ANO7: variants seen among roughly 807,000 people sequenced by gnomAD.
ANO7 encodes anoctamin-7.
ANO7 carries 114 observed loss-of-function variants against 115.8 expected under a neutral mutation model. The ratio of observed to expected loss-of-function variants is 0.98; its 90% CI spans 0.85 to 1.15. The LOEUF is 1.15. Among genes scored for constraint, ANO7 ranks in the 50% most tolerant of loss-of-function variants. The pLI, the probability that ANO7 is intolerant of heterozygous loss-of-function variation, is 0.00. For missense variants in ANO7, 1,302 were observed against 1,201.2 expected (o/e 1.08, Z -1.24); for synonymous variants, 550 against 498.2 (o/e 1.10, Z -1.38).
chr2:241,236,529 G>A, the ANO7 span: 364 of 1,395,170 alleles, frequency 2.6e-4, 2 homozygotes, highest in East Asian at 6.9e-3. Flanking sequence ...TTGGGCAACC[G>A]TCCATCCCAT....
chr2:241,204,717 GT>G (rs2068549733), intron 9 of ANO7, 147 bp from the exon 10 acceptor site: 1 of 620,042 alleles, frequency 1.6e-6, no homozygotes, highest in African/African-American at 1.8e-5. Flanking sequence ...AGGGAGAGCT[GT>G]GTACCTCTTG....
intron 3 of ANO7, 83 bp downstream of exon 3, chr2:241,191,334 G>C: frequency 6.4e-7 from 1 of 1,552,272 alleles, no homozygotes; most frequent in East Asian, 2.3e-5. Context: ...GGGGCAGCAG[G>C]CTGGGGTAGC....
At chr2:241,217,056 C>A (rs1424541227) in intron 19 of ANO7, among the ~76,000 whole-genome samples, 1 of 152,230 alleles carries the variant, frequency 6.6e-6, no homozygotes, top group Non-Finnish European at 1.5e-5. Flanking sequence ...TGGTCTCGAA[C>A]TCCTGACCTC....
At position 241,223,955 on chromosome 2, in the gene ANO7, G is replaced by C. The variant is rs527799445; in HGVS notation, c.2583G>C (p.Glu861Asp). 2.0e-5 allele frequency: 32 copies of C among 1,613,922 alleles called. No individual in the cohort carries two copies. In the African/African-American group the frequency reaches 3.9e-4, roughly 20 times the overall value. ...AGGATGAGCAGCCCGAGGGCTCAGA[G>C]GCAAGTCTGGGAGCAGCCAGGCCCC... ...GTKDEQPEGS[E>D]LSSHWTPFTV... Residue 861 changes from glutamate to aspartate, a missense_variant and splice_region_variant, in exon 24 of 25, where the codon GAG becomes GAC. Physicochemically the swap from Glu to Asp is conservative, Grantham distance 45 (BLOSUM62 2). Transcript: ENST00000674324.
chr2:241,235,115 G>C, the ANO7 span: 3 of 1,611,802 alleles, frequency 1.9e-6, no homozygotes, highest in South Asian at 2.2e-5. Flanking sequence ...GCCACCTCCT[G>C]CTCACCCGGT....
At position 241,218,300 on chromosome 2, in the gene ANO7, C is replaced by T. The variant is rs764120273; in HGVS notation, c.2240C>T (p.Ala747Val). ...CGCGCCTACTACCGGTGGACCCGCG[C>T]CCACGACCTGCGCGGCTTCCTCAAC... ...LPRAYYRWTR[A>V]HDLRGFLNFT... Residue 747 changes from alanine to valine, a missense_variant, in exon 21 of 25, where the codon GCC (alanine) becomes GTC (valine). Physicochemically the swap from Ala to Val is moderately conservative, Grantham distance 64. Coordinates refer to ENST00000674324, the MANE Select transcript of ANO7 (RefSeq NM_001370694.2). 2 of 1,535,626 alleles carry T rather than the reference C, an allele frequency of 1.3e-6. No individual in the cohort carries two copies.
rs375882821 is a variant in ANO7, at chr2:241,203,430, A to G, written c.821A>G (p.Lys274Arg). Reference sequence around the variant, plus strand: ...TGGGCGCGCTGGGGCAAGTGGAACAAGTACCAGCCCCTGGACCACGTGCGC... The same window carrying G: ...TGGGCGCGCTGGGGCAAGTGGAACAGGTACCAGCCCCTGGACCACGTGCGC... Reference protein sequence around the residue: ...QHWARWGKWNKYQPLDHVRRY... With the variant: ...QHWARWGKWNRYQPLDHVRRY... The change falls in exon 9 of 25, where the codon AAG becomes AGG. Residue 274 changes from lysine to arginine, a missense_variant. Lys to Arg is a conservative substitution (Grantham distance 26). Coordinates refer to ENST00000674324, the MANE Select transcript of ANO7 (RefSeq NM_001370694.2). This position sits in a 1 kb window ranked among gnomAD's most constrained non-coding sequence, Gnocchi z 4.8. 1.3e-6 allele frequency: 2 copies of G among 1,594,818 alleles called. No homozygotes were observed. Among genetic ancestry groups the G allele is most frequent in the African/African-American group, 2.7e-5 (2 of 73,810 alleles).
the ANO7 span, among the ~76,000 whole-genome samples, chr2:241,237,566 T>C: frequency 6.6e-6 from 1 of 152,176 alleles, no homozygotes; most frequent in Non-Finnish European, 1.5e-5. Flanking sequence ...GGAGAAAAAC[T>C]GGCAAATTTG....
At position 241,212,103 on chromosome 2, in the gene ANO7, G is replaced by C; in HGVS notation, c.1571G>C (p.Arg524Pro). ...AHVLTRWEMH[R>P]TQTKFEDAFT... ...GCTCTCCATGCCACAGAAATGCACC[G>C]CACCCAGACCAAGTTCGAGGACGCC... Residue 524 changes from arginine to proline, a missense_variant, in exon 16 of 25, where the codon CGC (arginine) becomes CCC (proline). Transcript: ENST00000674324. 6.2e-7 allele frequency: 1 copy of C among 1,613,864 alleles called. No individual in the cohort carries two copies. The highest frequency in any genetic ancestry group is 8.5e-7 in the Non-Finnish European group (1 of 1,179,904).
At chr2:241,194,723 C>T (rs748865436) in intron 3 of ANO7, among the ~76,000 whole-genome samples, 2 of 152,188 alleles carry the variant, frequency 1.3e-5, no homozygotes, top group Non-Finnish European at 2.9e-5. Flanking sequence ...TATTGTTCAT[C>T]TCTTACTTTA....
chr2:241,203,588 G>A lies in ANO7; in HGVS notation c.889+90G>A. 2 of 1,010,038 alleles carry A rather than the reference G, an allele frequency of 2.0e-6. No individual in the cohort carries two copies. The highest frequency in any genetic ancestry group is 1.4e-6 in the Non-Finnish European group (1 of 720,000). 62.6% of individuals were successfully genotyped at this position (1,010,038 alleles called of 1,614,324 possible). On this transcript the variant is annotated intron_variant, in intron 9 of 24. Coordinates refer to ENST00000674324, the MANE Select transcript of ANO7 (RefSeq NM_001370694.2). The surrounding 1 kb of genome is among the most constrained non-coding windows in gnomAD (Gnocchi z 4.8). ...ATTTGCCAGTCCGTACCCCTGGAGG[G>A]CAGCGTGCGTGGGGGCCTGGACGGT...
Position 241,212,200 on chromosome 2 carries a change from G to T in ANO7, c.1668G>T (p.Lys556Asn). 6.2e-7 allele frequency: 1 copy of T among 1,613,462 alleles called. No homozygotes were observed. The highest frequency in any genetic ancestry group is 1.3e-5 in the African/African-American group (1 of 75,046). Residue 556 changes from lysine (K) to asparagine (N), a missense_variant, in exon 16 of 25, where the codon AAG becomes AAT. Transcript: ENST00000674324. ...YSSPVYIAFF[K>N]GRFVGYPGNY... ...CACCCGTCTACATTGCCTTCTTCAA[G>T]GGCAGGTTGGTGGGCACCTCTCCCT...
At chr2:241,220,748 C>T (rs139882997) in intron 21 of ANO7, among the ~76,000 whole-genome samples, 1,901 of 152,238 alleles carry the variant, frequency 0.012, 38 homozygotes, top group African/African-American at 0.044. Context: ...TTCAGTGAGC[C>T]GAGATTGTGC....
At chr2:241,202,086 G>A in intron 7 of ANO7, 108 bp from the exon 8 acceptor site, 2 of 848,674 alleles carry the variant, frequency 2.4e-6, no homozygotes, top group South Asian at 1.6e-5. Flanking sequence ...TCACCAGAAG[G>A]CTGAGGGAGG....
At chr2:241,237,429 CACA>C in the ANO7 span, among the ~76,000 whole-genome samples, 1 of 152,268 alleles carries the variant, frequency 6.6e-6, no homozygotes, top group South Asian at 2.1e-4. Flanking sequence ...ACAAAACAGA[CACA>C]ACAATAATTA....
chr2:241,222,312 GA>G (rs1391478754), intron 21 of ANO7, among the ~76,000 whole-genome samples: 1 of 152,098 alleles, frequency 6.6e-6, no homozygotes, highest in Non-Finnish European at 1.5e-5. Flanking sequence ...GCGCCCGGCT[GA>G]AAGAGTTACG....
chr2:241,193,500 C>A (rs1018122132), intron 3 of ANO7, among the ~76,000 whole-genome samples: 1 of 152,098 alleles, frequency 6.6e-6, no homozygotes, highest in Non-Finnish European at 1.5e-5. Context: ...TCCCTCCCAG[C>A]CCCACCAGGC....
downstream of ANO7, chr2:241,229,883 T>C: frequency 6.3e-7 from 1 of 1,586,946 alleles, no homozygotes; most frequent in South Asian, 1.1e-5. Context: ...ACAAAGCCTC[T>C]GGAAGGTGCC....
At chr2:241,239,376 CTT>C in the ANO7 span, among the ~76,000 whole-genome samples, 1 of 147,742 alleles carries the variant, frequency 6.8e-6, no homozygotes, top group Non-Finnish European at 1.5e-5. The surrounding 1 kb of genome is among the most constrained non-coding windows in gnomAD (Gnocchi z 4.6). Context: ...TTCTCTCTCT[CTT>C]TTTTTTTTTA....
Sources: gnomAD v4.1 joint callset for allele counts (sites outside exome capture counted in the v4.1 genomes callset) on GRCh38, gnomAD v4.1.1 for gene constraint, Gnocchi (gnomAD v3.1) non-coding constraint, MANE v1.5 for transcripts, NCBI Gene and HGNC (gene_info 2026-07-23, HGNC 2026-07-21) for gene names.